The following AGO3 variants were observed in gnomAD, a reference collection of about 807,000 sequenced individuals.
AGO3 encodes argonaute RISC catalytic component 3.
In AGO3, 16 loss-of-function variants were observed where a neutral mutation model predicts 105.5. The observed-to-expected ratio is 0.15, with a 90% confidence interval of 0.10 to 0.23. The LOEUF is 0.23. AGO3 is among the 10% of genes least tolerant of loss of function. The probability of loss-of-function intolerance (pLI) is 1.00; values close to 1 mark genes in which losing one functional copy is unlikely to be tolerated. For missense variants in AGO3, 534 were observed against 1,088.0 expected, an observed-to-expected ratio of 0.49 and a Z score of 7.16; for synonymous variants, 340 against 367.3, an observed-to-expected ratio of 0.93 and a Z score of 0.85.
intron 11 of AGO3, among the ~76,000 whole-genome samples, chr1:36,019,679 AT>A (rs1215815115): frequency 6.6e-6 from 1 of 152,226 alleles, no homozygotes; most frequent in East Asian, 1.9e-4. Flanking sequence ...TCTTCTCAAG[AT>A]TATGGGTTTG....
chr1:35,956,838 G>A (rs1646575680), intron 2 of AGO3, among the ~76,000 whole-genome samples: 1 of 151,384 alleles, frequency 6.6e-6, no homozygotes, highest in South Asian at 2.1e-4. Context: ...AGTAGAGATA[G>A]GGTTTCACTG....
At chr1:36,031,323 T>G (rs1641763504) in intron 12 of AGO3, among the ~76,000 whole-genome samples, 1 of 152,104 alleles carries the variant, frequency 6.6e-6, no homozygotes, top group Admixed American at 6.6e-5. Context: ...ACTACAGGCA[T>G]GACCCACACT....
At position 36,046,718 on chromosome 1, in the gene AGO3, T is replaced by C. The variant is rs1246643788; in HGVS notation, c.2274+3170T>C. Among the ~76,000 whole-genome samples the C allele has an allele frequency of 2.9e-5, 4 of 138,182 alleles. No individual in the cohort carries two copies. The Admixed American group carries it at 3.0e-4, about 10-fold the overall frequency. The allele number at this position is 138,182 out of a possible 152,430, so 90.7% of individuals were successfully genotyped here. ...CATTGCATCTCAATGTACTAAGCAG[T>C]GCCTTAGTCATCCAGAGCAGTCACA... On this transcript the variant is annotated intron_variant, in intron 17 of 18. Transcript: ENST00000373191.
intron 5 of AGO3, among the ~76,000 whole-genome samples, chr1:35,978,709 T>C (rs562589954): frequency 1.4e-4 from 21 of 152,288 alleles, no homozygotes; most frequent in African/African-American, 5.1e-4. Context: ...TAGGACACAA[T>C]ACTGATGTTG....
At chr1:36,009,962 G>A (rs184973178) in intron 9 of AGO3, among the ~76,000 whole-genome samples, 7 of 124,578 alleles carry the variant, frequency 5.6e-5, no homozygotes, top group South Asian at 5.2e-4. Context: ...TTTTTGAGAC[G>A]GAGTCTTGCT....
At chr1:35,999,233 G>A (rs1209088679) in intron 5 of AGO3, among the ~76,000 whole-genome samples, 3 of 152,030 alleles carry the variant, frequency 2.0e-5, no homozygotes, top group Non-Finnish European at 2.9e-5. Context: ...CCAGCTACTC[G>A]GGAGGCTGAG....
intron 5 of AGO3, among the ~76,000 whole-genome samples, chr1:35,992,615 G>C (rs545168248): frequency 2.3e-4 from 35 of 152,226 alleles, no homozygotes; most frequent in Non-Finnish European, 3.7e-4. Context: ...CCCAGAATCT[G>C]TTATTAAAGG....
intron 11 of AGO3, among the ~76,000 whole-genome samples, chr1:36,021,808 G>A (rs1348982093): frequency 4.6e-5 from 7 of 151,892 alleles, no homozygotes; most frequent in African/African-American, 1.5e-4. Context: ...TTGATAGAGA[G>A]GAGACTCAAT....
intron 12 of AGO3, among the ~76,000 whole-genome samples, chr1:36,030,833 C>T (rs886787757): frequency 2.6e-5 from 4 of 152,154 alleles, no homozygotes; most frequent in African/African-American, 9.7e-5. Flanking sequence ...TCTCTTTTAA[C>T]ATATTAGTTA....
At chr1:36,037,647 A>G (rs1642070616) in intron 14 of AGO3, among the ~76,000 whole-genome samples, 1 of 152,214 alleles carries the variant, frequency 6.6e-6, no homozygotes, top group South Asian at 2.1e-4. Flanking sequence ...TTTCCACTTC[A>G]TGATTTCAAA....
At chr1:36,013,214 C>G (rs1202323250) in intron 9 of AGO3, among the ~76,000 whole-genome samples, 1 of 152,100 alleles carries the variant, frequency 6.6e-6, no homozygotes, top group Non-Finnish European at 1.5e-5. Flanking sequence ...GCTGGAATTA[C>G]AGATGTGAGC....
chr1:36,053,795 C>G (rs922818697), intron 17 of AGO3, among the ~76,000 whole-genome samples: 8 of 132,530 alleles, frequency 6.0e-5, no homozygotes, highest in Non-Finnish European at 9.3e-5. Flanking sequence ...TGTCACCAGG[C>G]TGAAGTGCAG....
Position 36,065,195 on chromosome 1 carries a change from T to A in AGO3, c.*9450T>A, listed in dbSNP as rs1028968057. ...AAAAAAAAAAGCAAAATATTTTTGC[T>A]GTGATTGTATGTCCCCTTTTAAGGA... On this transcript the variant is annotated 3_prime_UTR_variant, in exon 19 of 19. Coordinates refer to ENST00000373191, the MANE Select transcript of AGO3 (RefSeq NM_024852.4). 1.3e-5 allele frequency: 2 copies of A among 151,694 alleles called. No homozygotes were observed. Among genetic ancestry groups the A allele is most frequent in the South Asian group, 4.2e-4 (2 of 4,802 alleles). The allele number at this position is 151,694 out of a possible 1,614,324, so 9.4% of individuals were successfully genotyped here. A position where few individuals can be genotyped will look rare whatever the true frequency, so the allele number is the denominator to read the frequency against.
intron 2 of AGO3, among the ~76,000 whole-genome samples, chr1:35,958,035 A>T (rs1646603311): frequency 6.6e-6 from 1 of 152,084 alleles, no homozygotes; most frequent in Non-Finnish European, 1.5e-5. Context: ...ACTGCACTCC[A>T]TCCTCTGGGT....
intron 11 of AGO3, among the ~76,000 whole-genome samples, chr1:36,019,760 GTGTT>G (rs375343888): frequency 3.0e-4 from 46 of 151,972 alleles, no homozygotes; most frequent in South Asian, 4.1e-4. Flanking sequence ...TATATGTAAG[GTGTT>G]TGTTTGTTTG....
At chr1:36,052,051 C>T (rs76412556) in intron 17 of AGO3, among the ~76,000 whole-genome samples, 2 of 152,112 alleles carry the variant, frequency 1.3e-5, no homozygotes, top group Non-Finnish European at 2.9e-5. Context: ...ATGATCCAGC[C>T]ATCCCACTAC....
rs375774890 is a variant in AGO3, at chr1:35,941,290, A to G, written c.20-4402A>G. 5.3e-5 allele frequency among the ~76,000 whole-genome samples: 8 copies of G among 151,516 alleles called. No individual in the cohort carries two copies. The East Asian group carries it at 1.5e-3, about 29-fold the overall frequency. On this transcript the variant is annotated intron_variant, in intron 1 of 18. Coordinates refer to ENST00000373191, the MANE Select transcript of AGO3 (RefSeq NM_024852.4). ...TCCACATCACTCCCCTAACTGTACT[A>G]CTGTAGTTCTAGCCAACATTATCTT... is the stretch of plus-strand genomic sequence containing the variant.
Position 36,027,924 on chromosome 1 carries a change from T to G in AGO3, c.1591+626T>G, listed in dbSNP as rs1001843848. On this transcript the variant is annotated intron_variant, in intron 12 of 18. Coordinates refer to ENST00000373191, the MANE Select transcript of AGO3 (RefSeq NM_024852.4). The surrounding 1 kb of genome is among the most constrained non-coding windows in gnomAD (Gnocchi z 4.0). ...AAAAGCACAGGCTATCAAATTAAAC[T>G]GTGTTGCTCAATATTCAGGTACTGC... 3.3e-5 allele frequency among the ~76,000 whole-genome samples: 5 copies of G among 152,210 alleles called. No homozygotes were observed. The highest frequency in any genetic ancestry group is 2.1e-4 in the South Asian group (1 of 4,836).
chr1:36,000,860 T>C (rs982007360), intron 5 of AGO3, among the ~76,000 whole-genome samples: 1 of 151,992 alleles, frequency 6.6e-6, no homozygotes, highest in African/African-American at 2.4e-5. Flanking sequence ...TTTTTTTAAT[T>C]AGTTAGAAAC....
Sources: allele counts gnomAD v4.1 joint callset (sites outside exome capture counted in the v4.1 genomes callset), GRCh38; gene constraint gnomAD v4.1.1; non-coding constraint Gnocchi (gnomAD v3.1); transcripts MANE v1.5; gene names NCBI Gene and HGNC (gene_info 2026-07-23, HGNC 2026-07-21).